Variants in KCNQ5 observed in about 807,000 individuals in gnomAD.
The protein encoded by KCNQ5 is potassium voltage-gated channel subfamily KQT member 5.
In KCNQ5, 30 loss-of-function variants were observed where a neutral mutation model predicts 98.2. That is an observed-to-expected ratio of 0.31 (90% confidence interval 0.23 to 0.41). The LOEUF is 0.41. Among genes scored for constraint, KCNQ5 ranks in the 10% least tolerant of loss-of-function variants. KCNQ5 has a pLI of 1.00. For synonymous variants in KCNQ5, 458 were observed against 449.4 expected (o/e 1.02, Z -0.24); for missense variants, 835 against 1,182.5 (o/e 0.71, Z 4.31).
intron 12 of KCNQ5, among the ~76,000 whole-genome samples, 171 bp downstream of exon 12, chr6:73,190,875 A>G (rs1227003003): frequency 1.3e-5 from 2 of 152,186 alleles, no homozygotes; most frequent in Non-Finnish European, 2.9e-5. Context: ...CATAGATATA[A>G]CTCAGGCATT....
intron 11 of KCNQ5, among the ~76,000 whole-genome samples, chr6:73,185,524 A>C (rs776009450): frequency 1.3e-5 from 2 of 152,220 alleles, no homozygotes; most frequent in African/African-American, 2.4e-5. Context: ...ACACAGCAGG[A>C]TTTCAGGAAA....
intron 1 of KCNQ5, among the ~76,000 whole-genome samples, chr6:72,689,417 A>AG (rs1350754864): frequency 1.3e-5 from 2 of 152,246 alleles, no homozygotes; most frequent in African/African-American, 4.8e-5. Context: ...CATTTGTCCA[A>AG]GGGGGACTAG....
intron 1 of KCNQ5, among the ~76,000 whole-genome samples, chr6:72,701,801 A>G (rs1297649309): frequency 1.3e-5 from 2 of 152,074 alleles, no homozygotes; most frequent in Non-Finnish European, 2.9e-5. Context: ...TGCAACCCCC[A>G]TCTCTGGGGC....
intron 1 of KCNQ5, among the ~76,000 whole-genome samples, chr6:72,919,307 G>C (rs1388391317): frequency 6.6e-6 from 1 of 152,190 alleles, no homozygotes; most frequent in African/African-American, 2.4e-5. Flanking sequence ...TCATGGGAGA[G>C]ACAGAAACCT....
chr6:72,885,378 A>G (rs1778809570), intron 1 of KCNQ5, among the ~76,000 whole-genome samples: 1 of 152,218 alleles, frequency 6.6e-6, no homozygotes, highest in Non-Finnish European at 1.5e-5. Flanking sequence ...AAAAGAATGT[A>G]CTTTGGTAGG....
At chr6:72,729,940 C>A (rs1342447449) in intron 1 of KCNQ5, among the ~76,000 whole-genome samples, 1 of 152,130 alleles carries the variant, frequency 6.6e-6, no homozygotes, top group Non-Finnish European at 1.5e-5. Context: ...GTGGGAGGAA[C>A]CTTTGAGGCC....
At chr6:73,107,229 C>T (rs1218997007) in intron 6 of KCNQ5, among the ~76,000 whole-genome samples, 1 of 152,234 alleles carries the variant, frequency 6.6e-6, no homozygotes, top group African/African-American at 2.4e-5. Flanking sequence ...TAGGCAACCT[C>T]TGGGCTGTTG....
At chr6:72,782,970 C>T (rs62410664) in intron 1 of KCNQ5, among the ~76,000 whole-genome samples, 7,979 of 152,202 alleles carry the variant, frequency 0.052, 251 homozygotes, top group Middle Eastern at 0.1. Flanking sequence ...GTAGTGGAAG[C>T]TGTAGGTAAC....
chr6:72,895,667 T>C (rs1779223675), intron 1 of KCNQ5, among the ~76,000 whole-genome samples: 1 of 149,352 alleles, frequency 6.7e-6, no homozygotes, highest in South Asian at 2.1e-4. Flanking sequence ...ATATATTATT[T>C]AGAGTCAACA....
At chr6:72,747,182 A>G (rs1434689893) in intron 1 of KCNQ5, among the ~76,000 whole-genome samples, 1 of 152,202 alleles carries the variant, frequency 6.6e-6, no homozygotes, top group African/African-American at 2.4e-5. Context: ...TATGGCATCA[A>G]TAGAAATCCT....
chr6:73,013,644 C>T (rs750854682), intron 2 of KCNQ5, among the ~76,000 whole-genome samples: 6 of 152,140 alleles, frequency 3.9e-5, no homozygotes, highest in Non-Finnish European at 8.8e-5. Flanking sequence ...CAAGATAACA[C>T]ACCAAGTGTA....
intron 1 of KCNQ5, among the ~76,000 whole-genome samples, chr6:72,833,857 A>G (rs1197647223): frequency 6.6e-6 from 1 of 152,166 alleles, no homozygotes; most frequent in Non-Finnish European, 1.5e-5. Flanking sequence ...ACTATACAAC[A>G]GTGAAAAGCA....
Position 73,192,938 on chromosome 6 carries a change from T to C in KCNQ5, c.1836+247T>C, listed in dbSNP as rs534949626. Among the ~76,000 whole-genome samples the C allele has an allele frequency of 3.3e-5, 5 of 152,268 alleles. No individual in the cohort carries two copies. The East Asian group carries it at 5.8e-4, about 18-fold the overall frequency. Reference sequence around the variant, plus strand: ...GGAAACAACTATAGATTTCCAATAGTTGAAAATCGTTTAAAAATAACAAAG... The same window carrying C: ...GGAAACAACTATAGATTTCCAATAGCTGAAAATCGTTTAAAAATAACAAAG... On this transcript the variant is annotated intron_variant, in intron 13 of 13. Transcript: ENST00000370398.
intron 10 of KCNQ5, among the ~76,000 whole-genome samples, chr6:73,169,272 T>C (rs1426685168): frequency 6.6e-6 from 1 of 152,224 alleles, no homozygotes; most frequent in Non-Finnish European, 1.5e-5. Flanking sequence ...TAATAAGTAG[T>C]CAGCATTCTT....
At chr6:72,721,634 G>T (rs181901493) in intron 1 of KCNQ5, among the ~76,000 whole-genome samples, 2 of 152,142 alleles carry the variant, frequency 1.3e-5, no homozygotes, top group African/African-American at 4.8e-5. Flanking sequence ...CAGTGATGAA[G>T]AGGCCCAGGA....
intron 1 of KCNQ5, among the ~76,000 whole-genome samples, chr6:72,665,783 T>G (rs1315795000): frequency 6.6e-6 from 1 of 152,166 alleles, no homozygotes; most frequent in East Asian, 1.9e-4. Flanking sequence ...TAACGCACAC[T>G]CTGTTGTCTT....
intron 1 of KCNQ5, among the ~76,000 whole-genome samples, chr6:72,639,771 A>G (rs1459138892): frequency 1.3e-5 from 2 of 152,112 alleles, no homozygotes; most frequent in Admixed American, 6.6e-5. Flanking sequence ...ATGGGTAAAG[A>G]GAGAGGGAGA....
At chr6:73,026,851 G>GAA (rs78722429) in intron 2 of KCNQ5, among the ~76,000 whole-genome samples, 2 of 148,552 alleles carry the variant, frequency 1.3e-5, no homozygotes, top group African/African-American at 2.5e-5. Context: ...CAATTTTATA[G>GAA]AAAAAAAAAA....
intron 11 of KCNQ5, among the ~76,000 whole-genome samples, chr6:73,177,185 T>G (rs903497283): frequency 2.0e-5 from 3 of 152,248 alleles, no homozygotes; most frequent in African/African-American, 7.2e-5. Context: ...GGAGGTCATC[T>G]GTGACTTCGG....
Sources: allele counts gnomAD v4.1 joint callset (sites outside exome capture counted in the v4.1 genomes callset), GRCh38; gene constraint gnomAD v4.1.1; transcripts MANE v1.5; gene names NCBI Gene and HGNC (gene_info 2026-07-23, HGNC 2026-07-21).